The following AKAP6 variants were observed in gnomAD, a reference collection of about 807,000 sequenced individuals.
AKAP6 encodes A-kinase anchor protein 6.
In AKAP6, 58 loss-of-function variants were observed where a neutral mutation model predicts 188.5. The observed-to-expected ratio is 0.31, with a 90% CI of 0.25 to 0.38. AKAP6 has a LOEUF of 0.38. Among genes scored for constraint, AKAP6 ranks in the 10% least tolerant of loss-of-function variants. The probability of loss-of-function intolerance (pLI) is 1.00; values close to 1 mark genes in which losing one functional copy is unlikely to be tolerated. For missense variants in AKAP6, 2,710 were observed against 2,740.0 expected, an observed-to-expected ratio of 0.99 and a Z score of 0.24; for synonymous variants, 989 against 998.6, an observed-to-expected ratio of 0.99 and a Z score of 0.18.
intron 1 of AKAP6, among the ~76,000 whole-genome samples, chr14:32,431,724 G>A (rs974718179): frequency 2.0e-5 from 3 of 152,182 alleles, no homozygotes; most frequent in Non-Finnish European, 2.9e-5. Flanking sequence ...ATGTTGGCTA[G>A]GCAGGCCTCG....
At chr14:32,380,008 A>G (rs1016826398) in intron 1 of AKAP6, among the ~76,000 whole-genome samples, 4 of 152,158 alleles carry the variant, frequency 2.6e-5, no homozygotes, top group Non-Finnish European at 5.9e-5. Context: ...CTACTTCCTT[A>G]TATAAATTTG....
intron 8 of AKAP6, among the ~76,000 whole-genome samples, chr14:32,678,987 C>G (rs1384327353): frequency 6.6e-6 from 1 of 152,122 alleles, no homozygotes; most frequent in African/African-American, 2.4e-5. Flanking sequence ...TGAAAGGACC[C>G]AACACCTTCA....
At chr14:32,438,388 A>T (rs145009400) in intron 2 of AKAP6, among the ~76,000 whole-genome samples, 1 of 151,958 alleles carries the variant, frequency 6.6e-6, no homozygotes, top group African/African-American at 2.4e-5. Context: ...ACCCAGAGAC[A>T]CTCTTTTTCT....
At chr14:32,348,410 T>TTTC (rs1566456211) in intron 1 of AKAP6, among the ~76,000 whole-genome samples, 4 of 92,108 alleles carry the variant, frequency 4.3e-5, no homozygotes, top group African/African-American at 1.9e-4. Flanking sequence ...TTTCTTTTCT[T>TTTC]TTGTTTCTTT....
intron 4 of AKAP6, among the ~76,000 whole-genome samples, chr14:32,572,820 C>T (rs558929032): frequency 2.0e-5 from 3 of 152,226 alleles, no homozygotes; most frequent in South Asian, 2.1e-4. Context: ...TTTACCCTCA[C>T]GAAGGAACTT....
chr14:32,424,702 G>A (rs1889971955), intron 1 of AKAP6, among the ~76,000 whole-genome samples: 1 of 151,974 alleles, frequency 6.6e-6, no homozygotes, highest in Admixed American at 6.6e-5. Flanking sequence ...ATCTCAGTGT[G>A]TCCATGTGTC....
intron 10 of AKAP6, among the ~76,000 whole-genome samples, chr14:32,735,097 A>ATTTTC (rs2031351476): frequency 1.3e-5 from 2 of 152,198 alleles, no homozygotes; most frequent in South Asian, 4.1e-4. Context: ...GTCAGGTAAA[A>ATTTTC]TCAACAACAT....
intron 12 of AKAP6, among the ~76,000 whole-genome samples, chr14:32,796,142 T>C (rs2033761719): frequency 6.6e-6 from 1 of 152,038 alleles, no homozygotes; most frequent in South Asian, 2.1e-4. Context: ...CATAAACAAA[T>C]GGAGAAACAT....
intron 2 of AKAP6, among the ~76,000 whole-genome samples, chr14:32,468,398 G>A (rs1878580426): frequency 6.6e-6 from 1 of 152,142 alleles, no homozygotes. Context: ...AGTCCTGTGA[G>A]ACAATGCCTT....
At chr14:32,725,007 A>C (rs1022122814) in intron 9 of AKAP6, among the ~76,000 whole-genome samples, 1 of 149,850 alleles carries the variant, frequency 6.7e-6, no homozygotes, top group South Asian at 2.1e-4. Flanking sequence ...AAAAAAAAAA[A>C]AAAAAAAAAA....
intron 7 of AKAP6, among the ~76,000 whole-genome samples, chr14:32,672,744 C>G (rs927354052): frequency 2.0e-5 from 3 of 152,120 alleles, no homozygotes; most frequent in Admixed American, 1.3e-4. Flanking sequence ...TTACTAGAAT[C>G]TCTTAGGCAT....
intron 1 of AKAP6, among the ~76,000 whole-genome samples, chr14:32,408,898 T>C (rs1889383872): frequency 6.6e-6 from 1 of 152,086 alleles, no homozygotes; most frequent in Non-Finnish European, 1.5e-5. Flanking sequence ...CCAATAAGAT[T>C]AGTTTATATA....
At chr14:32,584,457 A>G (rs570561010) in intron 5 of AKAP6, among the ~76,000 whole-genome samples, 1 of 152,332 alleles carries the variant, frequency 6.6e-6, no homozygotes, top group East Asian at 1.9e-4. Context: ...ATGGTTAACC[A>G]CAGGTAACTG....
chr14:32,776,780 G>T (rs1181310239), intron 12 of AKAP6, among the ~76,000 whole-genome samples: 1 of 152,056 alleles, frequency 6.6e-6, no homozygotes, highest in African/African-American at 2.4e-5. Context: ...GCTTAATAAG[G>T]CCTCCCCAGA....
At chr14:32,446,840 G>T (rs1890770824) in intron 2 of AKAP6, among the ~76,000 whole-genome samples, 2 of 152,016 alleles carry the variant, frequency 1.3e-5, no homozygotes, top group Non-Finnish European at 1.5e-5. Flanking sequence ...GTATTTATTT[G>T]ATAGAATTTT....
chr14:32,803,625 G>A (rs2034012880), intron 12 of AKAP6, among the ~76,000 whole-genome samples: 1 of 151,766 alleles, frequency 6.6e-6, no homozygotes, highest in South Asian at 2.1e-4. Context: ...TGTTTACATT[G>A]ATCTTTCCAT....
intron 7 of AKAP6, among the ~76,000 whole-genome samples, chr14:32,662,458 A>T (rs902618523): frequency 2.0e-5 from 3 of 152,144 alleles, no homozygotes; most frequent in African/African-American, 7.2e-5. Flanking sequence ...AAGAAACCAG[A>T]TGAATCATCA....
chr14:32,520,976 A>G (rs1326665336), intron 2 of AKAP6, among the ~76,000 whole-genome samples: 5 of 152,230 alleles, frequency 3.3e-5, no homozygotes, highest in Non-Finnish European at 7.3e-5. Context: ...GCAGCACATC[A>G]AAACACTTAT....
intron 1 of AKAP6, among the ~76,000 whole-genome samples, chr14:32,329,697 A>G (rs1050064358): frequency 4.6e-5 from 7 of 152,136 alleles, no homozygotes; most frequent in Non-Finnish European, 1.0e-4. Context: ...GCAAAACCCC[A>G]GATAAGCTTT....
Sources: allele counts gnomAD v4.1 joint callset (sites outside exome capture counted in the v4.1 genomes callset), GRCh38; gene constraint gnomAD v4.1.1; transcripts MANE v1.5; gene names NCBI Gene and HGNC (gene_info 2026-07-23, HGNC 2026-07-21).